Variants in SLC30A3 observed in about 807,000 individuals in gnomAD.
The protein encoded by SLC30A3 is solute carrier family 30 member 3, also known as probable proton-coupled zinc antiporter SLC30A3.
In SLC30A3, 20 loss-of-function variants were observed where a neutral mutation model predicts 35.6. The ratio of observed to expected loss-of-function variants is 0.56; its 90% CI spans 0.39 to 0.82. SLC30A3 has a LOEUF of 0.82. Ranked by LOEUF, SLC30A3 falls within the 40% of genes least tolerant of loss-of-function variation. The pLI, the probability that SLC30A3 is intolerant of heterozygous loss-of-function variation, is 0.00. For synonymous variants in SLC30A3, 217 were observed against 224.7 expected (o/e 0.97, Z 0.31); for missense variants, 401 against 530.6 (o/e 0.76, Z 2.40).
At position 27,255,225 on chromosome 2, in the gene SLC30A3, G is replaced by C; in HGVS notation, c.*87C>G. The C allele has an allele frequency of 1.9e-6, 3 of 1,606,856 alleles. No homozygotes were observed. Among genetic ancestry groups the C allele is most frequent in the Non-Finnish European group, 1.7e-6 (2 of 1,177,440 alleles). On this transcript the variant is annotated 3_prime_UTR_variant, in exon 8 of 8. Transcript: ENST00000233535. The surrounding 1 kb of genome is among the most constrained non-coding windows in gnomAD (Gnocchi z 5.2). Reference sequence around the variant, plus strand: ...AGAGGAAGGGGTATGGACCTGGCTCGGTCCCGTCTCTGTGATCAGGGCAGC... The same window carrying C: ...AGAGGAAGGGGTATGGACCTGGCTCCGTCCCGTCTCTGTGATCAGGGCAGC...
In SLC30A3 at chr2:27,256,533, C is replaced by G. The variant is rs375407116; in HGVS notation, c.884-13G>C. 8.7e-6 allele frequency: 14 copies of G among 1,613,910 alleles called. No individual in the cohort carries two copies. The highest frequency in any genetic ancestry group is 5.0e-5 in the Admixed American group (3 of 60,020). ...TTGCGGGGGGTACCTGCAACCAGCA[C>G]CAGTCATGCCTTACTGCTAGGGCTA... On this transcript the variant is annotated splice_polypyrimidine_tract_variant and intron_variant, in intron 6 of 7. Coordinates refer to ENST00000233535, the MANE Select transcript of SLC30A3 (RefSeq NM_003459.5).
In SLC30A3 at chr2:27,257,827, G is replaced by A; in HGVS notation, c.578+78C>T. ...GTGTCTGTGTGTCTGGTGGGGAGGAGAGAGCCAGCTCTCCCATCCTGGAGG... is the reference window on the plus strand; with the variant it reads ...GTGTCTGTGTGTCTGGTGGGGAGGAAAGAGCCAGCTCTCCCATCCTGGAGG... On this transcript the variant is annotated intron_variant, in intron 4 of 7. Coordinates refer to ENST00000233535, the MANE Select transcript of SLC30A3 (RefSeq NM_003459.5). The surrounding 1 kb of genome is among the most constrained non-coding windows in gnomAD (Gnocchi z 4.7). 4.2e-6 allele frequency: 6 copies of A among 1,421,016 alleles called. No individual in the cohort carries two copies. Among genetic ancestry groups the A allele is most frequent in the Non-Finnish European group, 5.8e-6 (6 of 1,034,752 alleles). 88.0% of individuals were successfully genotyped at this position (1,421,016 alleles called of 1,614,324 possible).
Position 27,256,511 on chromosome 2 carries a change from CG to C in SLC30A3, c.892del (p.Arg298AlafsTer167). On this transcript the variant is annotated frameshift_variant, in exon 7 of 8. Coordinates refer to ENST00000233535, the MANE Select transcript of SLC30A3 (RefSeq NM_003459.5). LOFTEE classifies it high-confidence loss of function. ...CCGCACAGGTTCGAACCCCACATTG[CG>C]GGGGGTACCTGCAACCAGCACCAGT... ...VLRILMEGTP[R>X]NVGFEPVRDT... 1 of 1,613,968 alleles carries C rather than the reference CG, an allele frequency of 6.2e-7. No homozygotes were observed. The highest frequency in any genetic ancestry group is 8.5e-7 in the Non-Finnish European group (1 of 1,180,002).
At chr2:27,259,491 CAAAA>C (rs566907646) in intron 1 of SLC30A3, among the ~76,000 whole-genome samples, 2 of 124,484 alleles carry the variant, frequency 1.6e-5, no homozygotes, top group Admixed American at 8.4e-5. Context: ...GAGACTGTCT[CAAAA>C]AAAAAAAAAA....
chr2:27,270,592 C>T (rs1259867871), intron 1 of SLC30A3, among the ~76,000 whole-genome samples: 1 of 152,110 alleles, frequency 6.6e-6, no homozygotes, highest in African/African-American at 2.4e-5. Context: ...AATAATAAAG[C>T]ATGTGCCTCG....
In SLC30A3 at chr2:27,262,491, G is replaced by A. The variant is rs1677252884; in HGVS notation, c.95+321C>T. ...CCTTGGCGCACCGGGCGAGGGCTCCGGCCCGACCGAGCGGCAGCTGCTCCC... is the reference window on the plus strand; with the variant it reads ...CCTTGGCGCACCGGGCGAGGGCTCCAGCCCGACCGAGCGGCAGCTGCTCCC... On this transcript the variant is annotated intron_variant, in intron 1 of 7. Coordinates refer to ENST00000233535, the MANE Select transcript of SLC30A3 (RefSeq NM_003459.5). This position sits in a 1 kb window ranked among gnomAD's most constrained non-coding sequence, Gnocchi z 7.5. Among the ~76,000 whole-genome samples, 1 of 151,928 alleles carries A rather than the reference G, an allele frequency of 6.6e-6. No homozygotes were observed. Among genetic ancestry groups the A allele is most frequent in the Admixed American group, 6.6e-5 (1 of 15,260 alleles).
Position 27,257,141 on chromosome 2 carries a change from C to A in SLC30A3, c.777+13G>T. ...TGGGGAGGAAGGCTGGGGCAGGTCT[C>A]CAATGATGGTACCTTGAAGTAGATG... On this transcript the variant is annotated intron_variant, in intron 5 of 7. Transcript: ENST00000233535. The surrounding 1 kb of genome is among the most constrained non-coding windows in gnomAD (Gnocchi z 4.7). The A allele has an allele frequency of 6.2e-7, 1 of 1,612,984 alleles. No homozygotes were observed. The highest frequency in any genetic ancestry group is 8.5e-7 in the Non-Finnish European group (1 of 1,179,158).
At chr2:27,268,220 G>T (rs1409707754) in intron 1 of SLC30A3, among the ~76,000 whole-genome samples, 1 of 152,138 alleles carries the variant, frequency 6.6e-6, no homozygotes, top group African/African-American at 2.4e-5. Context: ...TTTGTTGAAG[G>T]TCTTAATGAA....
rs1234512981 is a variant in SLC30A3 at position 27,254,254 on chromosome 2, T to G, written c.*1058A>C. 1.3e-5 allele frequency: 2 copies of G among 152,222 alleles called. No homozygotes were observed. The highest frequency in any genetic ancestry group is 4.8e-5 in the African/African-American group (2 of 41,418). 9.4% of individuals were successfully genotyped at this position (152,222 alleles called of 1,614,324 possible). A position where few individuals can be genotyped will look rare whatever the true frequency, so the allele number is the denominator to read the frequency against. On this transcript the variant is annotated 3_prime_UTR_variant, in exon 8 of 8. Transcript: ENST00000233535. ...TCCCTCCAGCCAGCCTGAGGCCCAC[T>G]GGCATGCAGGGACCTCTGAGAACGA... is the stretch of plus-strand genomic sequence containing the variant.
chr2:27,272,888 C>T (rs1432409103), intron 1 of SLC30A3, among the ~76,000 whole-genome samples: 1 of 151,404 alleles, frequency 6.6e-6, no homozygotes, highest in African/African-American at 2.4e-5. Flanking sequence ...CCTGCCTCTA[C>T]CAAAAATATG....
chr2:27,256,248 CTA>C (rs2148117442), intron 7 of SLC30A3, 136 bp downstream of exon 7: 11 of 975,212 alleles, frequency 1.1e-5, no homozygotes, highest in East Asian at 5.2e-5. Context: ...GTGTATGTGT[CTA>C]TGTGAGAGAG....
At chr2:27,272,478 C>T (rs1488594078) in intron 1 of SLC30A3, among the ~76,000 whole-genome samples, 7 of 151,920 alleles carry the variant, frequency 4.6e-5, no homozygotes, top group Admixed American at 4.6e-4. Context: ...GGAGCTGTCA[C>T]CTGGGGAAGG....
At chr2:27,263,237 C>T (rs1011016151), upstream of SLC30A3, 13 of 591,762 alleles carry the variant, frequency 2.2e-5, no homozygotes, top group African/African-American at 3.9e-5. Flanking sequence ...CTGGAGAACT[C>T]CTCATCTCCA....
Position 27,255,482 on chromosome 2 carries a change from C to G in SLC30A3, c.1019-22G>C, listed in dbSNP as rs183603898. 1.2e-6 allele frequency: 2 copies of G among 1,609,734 alleles called. No homozygotes were observed. ...GAGTCTGTGGGAGAGTGATAAGAGG[C>G]GGCATCCATCCCGGGGGAGAAAGAA... On this transcript the variant is annotated intron_variant, in intron 7 of 7. Transcript: ENST00000233535. This position sits in a 1 kb window ranked among gnomAD's most constrained non-coding sequence, Gnocchi z 5.2.
chr2:27,273,995 C>T (rs999498320), intron 1 of SLC30A3, among the ~76,000 whole-genome samples: 2 of 152,160 alleles, frequency 1.3e-5, no homozygotes, highest in Admixed American at 6.5e-5. Flanking sequence ...TGGGGGTTGG[C>T]GCAATGGCTT....
chr2:27,268,874 T>C (rs769880149), intron 1 of SLC30A3, among the ~76,000 whole-genome samples: 3 of 152,140 alleles, frequency 2.0e-5, no homozygotes, highest in Non-Finnish European at 4.4e-5. Flanking sequence ...GATGGAAGCA[T>C]GCTTTAAGAA....
rs543804562 is a variant in SLC30A3 at position 27,255,684 on chromosome 2, A to G, written c.1019-224T>C. 1.8e-6 allele frequency: 1 copy of G among 556,424 alleles called. No homozygotes were observed. Among genetic ancestry groups the G allele is most frequent in the South Asian group, 2.1e-5 (1 of 48,326 alleles). The allele number at this position is 556,424 out of a possible 1,614,324, so 34.5% of individuals were successfully genotyped here. A position where few individuals can be genotyped will look rare whatever the true frequency, so the allele number is the denominator to read the frequency against. ...CACACTAAACTCTTTCCAGTCTCCT[A>G]TTCTCTCCTGTCATTAAGTGTCAAC... is the stretch of plus-strand genomic sequence containing the variant. On this transcript the variant is annotated intron_variant, in intron 7 of 7. Transcript: ENST00000233535. This position sits in a 1 kb window ranked among gnomAD's most constrained non-coding sequence, Gnocchi z 5.2.
At position 27,272,494 on chromosome 2, in the gene SLC30A3, A is replaced by AT. The variant is rs1216610551; in HGVS notation, c.-159+2682dup. ...GAGCTGTCACCTGGGGAAGGCAGCTATTTTTTTTTTTTTTTTTGAGACGGA... is the reference window on the plus strand; with the variant it reads ...GAGCTGTCACCTGGGGAAGGCAGCTATTTTTTTTTTTTTTTTTTGAGACGGA... On this transcript the variant is annotated intron_variant, in intron 1 of 5. Transcript: ENST00000424577. Among the ~76,000 whole-genome samples the AT allele has an allele frequency of 8.9e-3, 1,194 of 133,742 alleles. 10 individuals are homozygous for AT. Among genetic ancestry groups the AT allele is most frequent in the African/African-American group, 0.014 (509 of 36,388 alleles). The allele number at this position is 133,742 out of a possible 152,430, so 87.7% of individuals were successfully genotyped here.
At chr2:27,263,058 G>C, upstream of SLC30A3, 3 of 1,363,204 alleles carry the variant, frequency 2.2e-6, no homozygotes, top group Non-Finnish European at 2.8e-6. Context: ...GTGGCGCGCG[G>C]AGTCCGAACT....
Sources: gnomAD v4.1 joint callset for allele counts (sites outside exome capture counted in the v4.1 genomes callset) on GRCh38, gnomAD v4.1.1 for gene constraint, Gnocchi (gnomAD v3.1) non-coding constraint, MANE v1.5 for transcripts, NCBI Gene and HGNC (gene_info 2026-07-23, HGNC 2026-07-21) for gene names.